Variants in PLEKHS1 observed in about 807,000 individuals in gnomAD.
PLEKHS1 encodes the protein pleckstrin homology domain-containing family S member 1.
In PLEKHS1, 55 loss-of-function variants were observed where a neutral mutation model predicts 51.0. The observed-to-expected ratio is 1.08, with a 90% CI of 0.87 to 1.35. The LOEUF is 1.35. PLEKHS1 is among the 40% of genes most tolerant of loss of function. PLEKHS1 has a pLI of 0.00. For missense variants in PLEKHS1, 398 were observed against 423.0 expected, an observed-to-expected ratio of 0.94 and a Z score of 0.52; for synonymous variants, 153 against 144.8, an observed-to-expected ratio of 1.06 and a Z score of -0.41.
chr10:113,753,204 TA>T (rs979848656), intron 1 of PLEKHS1, among the ~76,000 whole-genome samples: 1 of 152,068 alleles, frequency 6.6e-6, no homozygotes, highest in African/African-American at 2.4e-5. Context: ...CTCATTAGGC[TA>T]ACAGCTGCAT....
At chr10:113,782,251 C>T (rs1440588869) in exon 12 of PLEKHS1, 1 of 152,114 alleles carries the variant, frequency 6.6e-6, no homozygotes, top group Non-Finnish European at 1.5e-5. Flanking sequence ...GTTTCATAAC[C>T]GTTCAGTTGC....
exon 12 of PLEKHS1, chr10:113,782,080 CT>C (rs1564831914): frequency 2.0e-5 from 3 of 152,134 alleles, no homozygotes; most frequent in Admixed American, 6.5e-5. Context: ...GAATAAAATT[CT>C]TTTATATAAA....
At chr10:113,771,851 T>C (rs1844425777) in intron 7 of PLEKHS1, 119 bp from the exon 8 acceptor site, 1 of 1,194,248 alleles carries the variant, frequency 8.4e-7, no homozygotes, top group Non-Finnish European at 1.1e-6. Context: ...GATGTAATCT[T>C]GGAAGACCCT....
At chr10:113,754,090 G>A (rs2009428) in intron 1 of PLEKHS1, among the ~76,000 whole-genome samples, 14,742 of 152,202 alleles carry the variant, frequency 0.097, 796 homozygotes, top group South Asian at 0.15. Context: ...TTACAGGCAT[G>A]AGCCACTGCA....
At chr10:113,779,775 AC>A (rs1228115986) in intron 11 of PLEKHS1, among the ~76,000 whole-genome samples, 2 of 151,882 alleles carry the variant, frequency 1.3e-5, no homozygotes, top group African/African-American at 4.9e-5. Flanking sequence ...GCCTTTCTAG[AC>A]TGTGGAGTCA....
intron 11 of PLEKHS1, among the ~76,000 whole-genome samples, chr10:113,778,791 C>T (rs1222606766): frequency 8.5e-5 from 13 of 152,092 alleles, no homozygotes; most frequent in Admixed American, 4.6e-4. Flanking sequence ...CTACAGGCGC[C>T]GGCCACTACG....
chr10:113,755,847 G>A (rs1357305225), intron 2 of PLEKHS1, among the ~76,000 whole-genome samples: 3 of 152,204 alleles, frequency 2.0e-5, no homozygotes, highest in Non-Finnish European at 4.4e-5. Context: ...ATTTTCATGA[G>A]CCAAATTTTC....
intron 2 of PLEKHS1, chr10:113,765,444 C>T: frequency 2.6e-6 from 2 of 777,138 alleles, no homozygotes; most frequent in Admixed American, 1.7e-5. Flanking sequence ...CTTTCTCTGG[C>T]CTCAGGTAGT....
chr10:113,778,022 T>C (rs996960769), intron 11 of PLEKHS1: 1 of 289,568 alleles, frequency 3.5e-6, no homozygotes, highest in South Asian at 4.0e-5. Context: ...ACCCCTAATA[T>C]TATATGGGTA....
intron 9 of PLEKHS1, 87 bp from the exon 10 acceptor site, chr10:113,774,739 T>C (rs1455079789): frequency 2.5e-6 from 3 of 1,203,792 alleles, no homozygotes; most frequent in African/African-American, 3.0e-5. Context: ...TTCACATGGC[T>C]GTTAGCTACT....
At chr10:113,753,361 T>A (rs189961850) in intron 1 of PLEKHS1, among the ~76,000 whole-genome samples, 257 of 152,318 alleles carry the variant, frequency 1.7e-3, no homozygotes, top group African/African-American at 5.9e-3. Context: ...GATAATTTTT[T>A]AAATATTATC....
In PLEKHS1 at chr10:113,765,306, A is replaced by C. The variant is rs1455366473; in HGVS notation, c.29-1105A>C. ...TAGAACTAGTAATTAGTGTAGAGCT[A>C]ATTATTCCTCACACTGAGGCAAGAC... On this transcript the variant is annotated intron_variant, in intron 2 of 11. Transcript: ENST00000361048. 24 of 774,098 alleles carry C rather than the reference A, an allele frequency of 3.1e-5. No homozygotes were observed. In the South Asian group the frequency reaches 3.3e-4, roughly 11 times the overall value. The allele number at this position is 774,098 out of a possible 1,614,324, so 48.0% of individuals were successfully genotyped here. A position where few individuals can be genotyped will look rare whatever the true frequency, so the allele number is the denominator to read the frequency against.
At chr10:113,771,724 G>A (rs974798280) in intron 7 of PLEKHS1, among the ~76,000 whole-genome samples, 1 of 148,928 alleles carries the variant, frequency 6.7e-6, no homozygotes, top group Non-Finnish European at 1.5e-5. Flanking sequence ...AAAACCACTT[G>A]TTCTGAGTGA....
At chr10:113,770,201 A>G (rs1339901456) in intron 7 of PLEKHS1, among the ~76,000 whole-genome samples, 1 of 151,954 alleles carries the variant, frequency 6.6e-6, no homozygotes, top group African/African-American at 2.4e-5. Flanking sequence ...CCTTTCTTTC[A>G]CACAGAGGGC....
intron 2 of PLEKHS1, among the ~76,000 whole-genome samples, chr10:113,762,234 G>T (rs919867404): frequency 6.6e-6 from 1 of 151,690 alleles, no homozygotes; most frequent in Admixed American, 6.6e-5. Context: ...GTAGAGGTTT[G>T]TTAACTTAAT....
intron 11 of PLEKHS1, among the ~76,000 whole-genome samples, chr10:113,779,121 G>A (rs957784917): frequency 6.6e-6 from 1 of 152,244 alleles, no homozygotes; most frequent in African/African-American, 2.4e-5. Context: ...GTAGAATGGA[G>A]TAAATCTACA....
At chr10:113,777,218 G>A in intron 11 of PLEKHS1, 1 of 1,612,856 alleles carries the variant, frequency 6.2e-7, no homozygotes, top group Non-Finnish European at 8.5e-7. Flanking sequence ...CCAGAGCCTG[G>A]AGGAGGTCTC....
chr10:113,754,033 C>G (rs1433535586), intron 1 of PLEKHS1, among the ~76,000 whole-genome samples: 1 of 152,004 alleles, frequency 6.6e-6, no homozygotes, highest in Non-Finnish European at 1.5e-5. Flanking sequence ...GTCTGGAATT[C>G]CTGACCTCAA....
At chr10:113,756,286 T>C (rs1045681531) in intron 2 of PLEKHS1, among the ~76,000 whole-genome samples, 1 of 152,162 alleles carries the variant, frequency 6.6e-6, no homozygotes, top group South Asian at 2.1e-4. Context: ...GCCAACATGG[T>C]GAAACCTCGT....
Sources: gnomAD v4.1 joint callset for allele counts (sites outside exome capture counted in the v4.1 genomes callset) on GRCh38, gnomAD v4.1.1 for gene constraint, MANE v1.5 for transcripts, NCBI Gene and HGNC (gene_info 2026-07-23, HGNC 2026-07-21) for gene names.